Variants in CACNA2D1 observed in about 807,000 individuals in gnomAD.
CACNA2D1 encodes voltage-dependent calcium channel subunit alpha-2/delta-1.
In CACNA2D1, 53 loss-of-function variants were observed where a neutral mutation model predicts 171.5. That is an observed-to-expected ratio of 0.31 (90% CI 0.25 to 0.39). CACNA2D1 has a LOEUF of 0.39. Ranked by LOEUF, CACNA2D1 falls within the 10% of genes least tolerant of loss-of-function variation. The probability of loss-of-function intolerance (pLI) is 1.00; values close to 1 mark genes in which losing one functional copy is unlikely to be tolerated. For missense variants in CACNA2D1, 903 were observed against 1,299.8 expected, an observed-to-expected ratio of 0.69 and a Z score of 4.69; for synonymous variants, 442 against 443.1, an observed-to-expected ratio of 1.00 and a Z score of 0.03.
intron 1 of CACNA2D1, among the ~76,000 whole-genome samples, chr7:82,400,621 A>T (rs1411367645): frequency 6.6e-6 from 1 of 152,126 alleles, no homozygotes; most frequent in Non-Finnish European, 1.5e-5. Flanking sequence ...AACCTAGGCA[A>T]TACCATTCAG....
At chr7:82,149,796 A>AAAAAAAAAAAAAAG (rs1793595825) in intron 4 of CACNA2D1, among the ~76,000 whole-genome samples, 1 of 136,814 alleles carries the variant, frequency 7.3e-6, no homozygotes, top group Non-Finnish European at 1.6e-5. Context: ...ACAAACAACA[A>AAAAAAAAAAAAAAG]AAAAAAAAAC....
chr7:82,273,001 A>C (rs1425451513), intron 3 of CACNA2D1, among the ~76,000 whole-genome samples: 3 of 152,240 alleles, frequency 2.0e-5, no homozygotes, highest in Non-Finnish European at 4.4e-5. Flanking sequence ...AGCAATAAGG[A>C]AACGTACCAA....
At chr7:82,144,807 A>G (rs187224559) in intron 4 of CACNA2D1, among the ~76,000 whole-genome samples, 1 of 152,218 alleles carries the variant, frequency 6.6e-6, no homozygotes, top group Non-Finnish European at 1.5e-5. Context: ...ATAATAAAAA[A>G]TCAAATAACT....
At chr7:82,304,298 C>G (rs1585412748) in intron 3 of CACNA2D1, among the ~76,000 whole-genome samples, 2 of 149,518 alleles carry the variant, frequency 1.3e-5, no homozygotes, top group Non-Finnish European at 1.5e-5. Context: ...CCTCAAAAAA[C>G]TAAAAATTGA....
Position 82,072,377 on chromosome 7 carries a change from T to A in CACNA2D1, c.659-5853A>T, listed in dbSNP as rs182190623. 1.5e-4 allele frequency among the ~76,000 whole-genome samples: 23 copies of A among 152,158 alleles called. No homozygotes were observed. The East Asian group carries it at 4.5e-3, about 30-fold the overall frequency. Reference sequence around the variant, plus strand: ...TTAAAAATAAAAGTAAAAAACTTTTTAAAAGTCTGCTTCACTGTATTGCTC... The same window carrying A: ...TTAAAAATAAAAGTAAAAAACTTTTAAAAAGTCTGCTTCACTGTATTGCTC... On this transcript the variant is annotated intron_variant, in intron 7 of 38. Coordinates refer to ENST00000356860, the MANE Select transcript of CACNA2D1 (RefSeq NM_000722.4).
chr7:81,977,528 G>C (rs1795975240), intron 24 of CACNA2D1, among the ~76,000 whole-genome samples: 1 of 152,104 alleles, frequency 6.6e-6, no homozygotes, highest in Admixed American at 6.6e-5. Context: ...TGGGAAAACT[G>C]GCTAGCCACA....
chr7:82,443,646 A>T lies in CACNA2D1; in HGVS notation c.-187T>A. The T allele has an allele frequency of 7.7e-7, 1 of 1,293,428 alleles. No homozygotes were observed. The highest frequency in any genetic ancestry group is 3.1e-5 in the East Asian group (1 of 31,848). 80.1% of individuals were successfully genotyped at this position (1,293,428 alleles called of 1,614,324 possible). The stretch of plus-strand genomic sequence containing the variant: ...CAAGGGCGGGAGCGGACGCCGAGGA[A>T]GGGGCGGTGGCGGGCGGACCCACTA... On this transcript the variant is annotated 5_prime_UTR_variant, in exon 1 of 39. Coordinates refer to ENST00000356860, the MANE Select transcript of CACNA2D1 (RefSeq NM_000722.4).
At chr7:82,041,385 A>C in intron 10 of CACNA2D1, among the ~76,000 whole-genome samples, 1 of 152,168 alleles carries the variant, frequency 6.6e-6, no homozygotes, top group East Asian at 1.9e-4. Flanking sequence ...AGAAGAGTGG[A>C]AGCTGACCGA....
intron 18 of CACNA2D1, among the ~76,000 whole-genome samples, chr7:82,002,391 C>G (rs1351182198): frequency 6.6e-6 from 1 of 152,162 alleles, no homozygotes; most frequent in African/African-American, 2.4e-5. Context: ...TTACTAAATT[C>G]TGTTTATAAG....
At chr7:82,224,645 C>T (rs966940677) in intron 3 of CACNA2D1, among the ~76,000 whole-genome samples, 3 of 152,028 alleles carry the variant, frequency 2.0e-5, no homozygotes, top group Non-Finnish European at 4.4e-5. Flanking sequence ...CTTGATAGCT[C>T]ATAATGGTCT....
chr7:82,334,622 CA>C (rs140434186), intron 3 of CACNA2D1, among the ~76,000 whole-genome samples: 1,942 of 152,072 alleles, frequency 0.013, 52 homozygotes, highest in African/African-American at 0.044. Context: ...AAAAAGTAAG[CA>C]AACTAAAGAA....
chr7:81,955,913 GGGGGGGGT>G (rs1562770010), intron 38 of CACNA2D1, among the ~76,000 whole-genome samples: 1 of 112,214 alleles, frequency 8.9e-6, no homozygotes, highest in Non-Finnish European at 1.8e-5. Flanking sequence ...GGTGGGGGGG[GGGGGGGGT>G]GGTGGTCTTA....
intron 3 of CACNA2D1, among the ~76,000 whole-genome samples, chr7:82,294,221 T>A (rs1016945506): frequency 1.3e-5 from 2 of 152,176 alleles, no homozygotes; most frequent in African/African-American, 4.8e-5. Context: ...AAGATATTCT[T>A]ATTTCTTACT....
chr7:82,159,707 CAG>C (rs1442942075), intron 4 of CACNA2D1, among the ~76,000 whole-genome samples: 2 of 149,742 alleles, frequency 1.3e-5, no homozygotes, highest in Non-Finnish European at 3.0e-5. Flanking sequence ...TGCCAGAAAA[CAG>C]AGAAAAAAAT....
intron 3 of CACNA2D1, among the ~76,000 whole-genome samples, chr7:82,199,072 T>C (rs1799144249): frequency 6.6e-6 from 1 of 152,166 alleles, no homozygotes; most frequent in Non-Finnish European, 1.5e-5. Context: ...TTTATAGCTG[T>C]AATAATCACA....
chr7:82,040,343 C>A (rs1803784673), intron 10 of CACNA2D1, among the ~76,000 whole-genome samples: 1 of 148,002 alleles, frequency 6.8e-6, no homozygotes, highest in Admixed American at 6.9e-5. Context: ...GCACAGAGTT[C>A]AATTTAGGGT....
chr7:82,367,542 A>G (rs1205260341), intron 1 of CACNA2D1, among the ~76,000 whole-genome samples: 1 of 152,108 alleles, frequency 6.6e-6, no homozygotes, highest in Non-Finnish European at 1.5e-5. Flanking sequence ...CAACCATGCA[A>G]TTATTATATT....
chr7:82,102,138 A>G (rs967728141), intron 6 of CACNA2D1, among the ~76,000 whole-genome samples: 5 of 152,156 alleles, frequency 3.3e-5, no homozygotes, highest in African/African-American at 1.2e-4. Flanking sequence ...GACTAAAGAG[A>G]AAAAGGATAG....
intron 4 of CACNA2D1, among the ~76,000 whole-genome samples, chr7:82,138,653 A>G (rs898374297): frequency 4.0e-4 from 60 of 151,838 alleles, no homozygotes; most frequent in Non-Finnish European, 6.8e-4. Flanking sequence ...TTACTGTGTT[A>G]GCCAGGATGG....
Sources: gnomAD v4.1 joint callset for allele counts (sites outside exome capture counted in the v4.1 genomes callset) on GRCh38, gnomAD v4.1.1 for gene constraint, MANE v1.5 for transcripts, NCBI Gene and HGNC (gene_info 2026-07-23, HGNC 2026-07-21) for gene names.